The following CCDC180 variants were observed in gnomAD, a reference collection of about 807,000 sequenced individuals.
CCDC180 encodes the protein coiled-coil domain-containing protein 180.
CCDC180 carries 154 observed loss-of-function variants against 209.2 expected under a neutral mutation model. That is an observed-to-expected ratio of 0.74 (90% CI 0.65 to 0.84). CCDC180 has a LOEUF of 0.84. Among genes scored for constraint, CCDC180 ranks in the 40% least tolerant of loss-of-function variants. CCDC180 has a pLI of 0.00. For missense variants in CCDC180, 1,874 were observed against 1,997.3 expected, an observed-to-expected ratio of 0.94 and a Z score of 1.18; for synonymous variants, 778 against 749.1, an observed-to-expected ratio of 1.04 and a Z score of -0.63.
intron 22 of CCDC180, among the ~76,000 whole-genome samples, chr9:97,351,628 G>A (rs1217410842): frequency 1.3e-5 from 2 of 152,074 alleles, no homozygotes; most frequent in Non-Finnish European, 2.9e-5. Flanking sequence ...CAAAGTGGAA[G>A]CCCTCCAAAA....
chr9:97,362,151 C>A, intron 27 of CCDC180, 45 bp from the exon 28 acceptor site: 19 of 1,582,732 alleles, frequency 1.2e-5, no homozygotes, highest in Non-Finnish European at 1.5e-5. Flanking sequence ...TGAGCTACCC[C>A]CATGGTCACC....
At chr9:97,356,629 C>T (rs1826593200) in intron 24 of CCDC180, among the ~76,000 whole-genome samples, 1 of 152,200 alleles carries the variant, frequency 6.6e-6, no homozygotes, top group East Asian at 1.9e-4. Flanking sequence ...CAGGGCATGT[C>T]ACCACACTCT....
rs781716815 is a variant in CCDC180, at chr9:97,314,699, C to G, written c.670C>G (p.His224Asp). 3.7e-6 allele frequency: 6 copies of G among 1,614,020 alleles called. No individual in the cohort carries two copies. The highest frequency in any genetic ancestry group is 5.1e-6 in the Non-Finnish European group (6 of 1,179,994). Residue 224 changes from histidine (H) to aspartate (D), a missense_variant, in exon 7 of 37, where the codon CAC becomes GAC. Transcript: ENST00000529487. ...QEIKELDEAL[H>D]SLEFSRTDKL... ...GATTAAGGAGCTGGATGAGGCCCTG[C>G]ACTCGCTGGAGTTCTCCCGAACCGA...
At chr9:97,375,339 T>G (rs117514659) in intron 35 of CCDC180, 115 bp from the exon 36 acceptor site, 26,930 of 1,377,098 alleles carry the variant, frequency 0.02, 340 homozygotes, top group South Asian at 0.038. Context: ...CATTAAGATA[T>G]TTAAAGCCAT....
In CCDC180 at chr9:97,376,974, C is replaced by T. The variant is rs1388575395; in HGVS notation, c.*80C>T. 4 of 1,489,568 alleles carry T rather than the reference C, an allele frequency of 2.7e-6. No individual in the cohort carries two copies. In the African/African-American group the frequency reaches 4.2e-5, roughly 15 times the overall value. 92.3% of individuals were successfully genotyped at this position (1,489,568 alleles called of 1,614,324 possible). A position where few individuals can be genotyped will look rare whatever the true frequency, so the allele number is the denominator to read the frequency against. On this transcript the variant is annotated 3_prime_UTR_variant, in exon 37 of 37. Transcript: ENST00000529487. ...TCTACCTGCCTACCTACTTTCCGTC[C>T]ATCCCTCCCTCCCTTCATCCCTCCA...
At chr9:97,341,814 C>G (rs1310006886) in intron 18 of CCDC180, among the ~76,000 whole-genome samples, 1 of 152,210 alleles carries the variant, frequency 6.6e-6, no homozygotes, top group African/African-American at 2.4e-5. Context: ...AGGTGGGCCT[C>G]GTTGAGCTGA....
rs1191146796 is a variant in CCDC180 at position 97,362,311 on chromosome 9, G to T, written c.3772G>T (p.Val1258Leu). The T allele has an allele frequency of 6.2e-7, 1 of 1,614,172 alleles. No homozygotes were observed. ...GSSEAGAGGA[V>L]CSPPVLCSCP... ...CAGTGAGGCAGGGGCTGGTGGTGCTGTGTGCTCACCTCCTGTCCTCTGCTC... is the reference window on the plus strand; with the variant it reads ...CAGTGAGGCAGGGGCTGGTGGTGCTTTGTGCTCACCTCCTGTCCTCTGCTC... Residue 1258 changes from valine to leucine, a missense_variant, in exon 28 of 37, where the codon GTG becomes TTG. Physicochemically the swap from Val to Leu is conservative, Grantham distance 32 (BLOSUM62 1). Coordinates refer to ENST00000529487, the MANE Select transcript of CCDC180 (RefSeq NM_020893.6).
chr9:97,354,232 A>G (rs1369899567), intron 22 of CCDC180, among the ~76,000 whole-genome samples: 1 of 151,800 alleles, frequency 6.6e-6, no homozygotes, highest in African/African-American at 2.4e-5. Context: ...GCCTCAAGTG[A>G]TTTTCCTGCC....
intron 4 of CCDC180, among the ~76,000 whole-genome samples, chr9:97,312,958 A>G (rs539682659): frequency 9.1e-5 from 10 of 109,448 alleles, no homozygotes; most frequent in Admixed American, 2.9e-4. Context: ...TATCATTTCT[A>G]TATGTATTTG....
At chr9:97,362,153 A>G (rs752342358) in intron 27 of CCDC180, 43 bp from the exon 28 acceptor site, 28 of 1,583,678 alleles carry the variant, frequency 1.8e-5, no homozygotes, top group South Asian at 5.8e-5. Flanking sequence ...AGCTACCCCC[A>G]TGGTCACCGG....
chr9:97,375,412 T>C (rs970177366), intron 35 of CCDC180, 42 bp from the exon 36 acceptor site: 3 of 1,611,668 alleles, frequency 1.9e-6, no homozygotes, highest in African/African-American at 2.7e-5. Flanking sequence ...TTATGAAAGA[T>C]GAAGACAAGC....
chr9:97,338,714 C>T (rs1825984988), intron 18 of CCDC180, among the ~76,000 whole-genome samples: 1 of 152,152 alleles, frequency 6.6e-6, no homozygotes, highest in Non-Finnish European at 1.5e-5. Context: ...TCCTGGATAT[C>T]CTTGTTAACC....
At position 97,322,844 on chromosome 9, in the gene CCDC180, G is replaced by A. The variant is rs142121305; in HGVS notation, c.1171G>A (p.Val391Met). The stretch of plus-strand genomic sequence containing the variant: ...TTCTGCCCATGGAGACACCTACCAC[G>A]TGGACTGCATGATGCGGATCCGCCT... ...SLNKELDTYH[V>M]DCMMRIRLLY... is the part of the protein sequence containing the mutation. The change falls in exon 12 of 37, where the codon GTG (valine) becomes ATG (methionine). Residue 391 changes from valine to methionine, a missense_variant. Coordinates refer to ENST00000529487, the MANE Select transcript of CCDC180 (RefSeq NM_020893.6). 18 of 1,613,794 alleles carry A rather than the reference G, an allele frequency of 1.1e-5. No individual in the cohort carries two copies. Among genetic ancestry groups the A allele is most frequent in the Admixed American group, 3.3e-5 (2 of 60,010 alleles).
At chr9:97,312,044 C>T (rs1044570466) in intron 3 of CCDC180, 69 bp from the exon 4 acceptor site, 5 of 1,382,584 alleles carry the variant, frequency 3.6e-6, no homozygotes, top group Non-Finnish European at 5.1e-6. Context: ...CCTTGGTGCC[C>T]TTATGTGCCA....
At chr9:97,325,277 A>C in intron 14 of CCDC180, 85 bp downstream of exon 14, 2 of 1,408,470 alleles carry the variant, frequency 1.4e-6, no homozygotes, top group Non-Finnish European at 1.9e-6. Flanking sequence ...GGAGAACCTT[A>C]AGCTATGAAA....
chr9:97,364,037 C>T lies in CCDC180; in HGVS notation c.3903-14C>T, dbSNP rs779827932. On this transcript the variant is annotated splice_polypyrimidine_tract_variant and intron_variant, in intron 28 of 36. Coordinates refer to ENST00000529487, the MANE Select transcript of CCDC180 (RefSeq NM_020893.6). ...CCACAGCCTCCAGACCACCCACCCA[C>T]CTTTGTCCCACAGCTTCACACCGCA... 6.2e-7 allele frequency: 1 copy of T among 1,613,932 alleles called. No individual in the cohort carries two copies. Among genetic ancestry groups the T allele is most frequent in the Non-Finnish European group, 8.5e-7 (1 of 1,179,840 alleles).
rs953261334 is a variant in CCDC180 at position 97,366,289 on chromosome 9, G to A, written c.4048-270G>A. On this transcript the variant is annotated intron_variant, in intron 30 of 36. Coordinates refer to ENST00000529487, the MANE Select transcript of CCDC180 (RefSeq NM_020893.6). This position sits in a 1 kb window ranked among gnomAD's most constrained non-coding sequence, Gnocchi z 4.3. Reference sequence around the variant, plus strand: ...CTGGTCACCAATCTGAGATTCCATTGATTTGGGTCTTGAAGGATAAATAGG... The same window carrying A: ...CTGGTCACCAATCTGAGATTCCATTAATTTGGGTCTTGAAGGATAAATAGG... Among the ~76,000 whole-genome samples, 4 of 152,214 alleles carry A rather than the reference G, an allele frequency of 2.6e-5. No homozygotes were observed. Among genetic ancestry groups the A allele is most frequent in the African/African-American group, 9.7e-5 (4 of 41,448 alleles).
chr9:97,339,721 G>T (rs575327737), intron 18 of CCDC180, among the ~76,000 whole-genome samples: 2 of 152,292 alleles, frequency 1.3e-5, no homozygotes, highest in African/African-American at 4.8e-5. Flanking sequence ...CTAGGTTGGG[G>T]AAGTTCTCCT....
intron 22 of CCDC180, among the ~76,000 whole-genome samples, chr9:97,353,440 G>A (rs950941248): frequency 2.6e-5 from 4 of 152,104 alleles, no homozygotes; most frequent in African/African-American, 9.7e-5. Flanking sequence ...TGGTTTTTGG[G>A]AGGTCTGTTT....
Sources: gnomAD v4.1 joint callset for allele counts (sites outside exome capture counted in the v4.1 genomes callset) on GRCh38, gnomAD v4.1.1 for gene constraint, Gnocchi (gnomAD v3.1) non-coding constraint, MANE v1.5 for transcripts, NCBI Gene and HGNC (gene_info 2026-07-23, HGNC 2026-07-21) for gene names.